The following SCHIP1 variants were observed in gnomAD, a reference collection of about 807,000 sequenced individuals.
The protein encoded by SCHIP1 is schwannomin interacting protein 1, also known as schwannomin-interacting protein 1.
Under a neutral mutation model 29.7 loss-of-function variants are expected in SCHIP1, and 8 were observed. The observed-to-expected ratio is 0.27, with a 90% CI of 0.16 to 0.49. The LOEUF is 0.49. Ranked by LOEUF, SCHIP1 falls within the 20% of genes least tolerant of loss-of-function variation. SCHIP1 has a pLI of 0.99. For missense variants in SCHIP1, 193 were observed against 294.6 expected (o/e 0.66, Z 2.52); for synonymous variants, 76 against 94.9 (o/e 0.80, Z 1.16).
chr3:159,730,456 C>T, the SCHIP1 span, among the ~76,000 whole-genome samples: 1 of 152,174 alleles, frequency 6.6e-6, no homozygotes, highest in East Asian at 1.9e-4. Flanking sequence ...TCAGCATGAG[C>T]TATTATTATT....
At chr3:159,302,393 G>A in the SCHIP1 span, among the ~76,000 whole-genome samples, 7 of 152,190 alleles carry the variant, frequency 4.6e-5, no homozygotes, top group South Asian at 1.5e-3. Flanking sequence ...ATAGTACCTG[G>A]GATTTTAGGA....
At chr3:159,571,151 T>G in the SCHIP1 span, among the ~76,000 whole-genome samples, 1 of 152,234 alleles carries the variant, frequency 6.6e-6, no homozygotes, top group Non-Finnish European at 1.5e-5. Flanking sequence ...CTGATTTCCC[T>G]GGCCAGAGCT....
chr3:159,814,006 C>T, the SCHIP1 span, among the ~76,000 whole-genome samples: 31 of 152,044 alleles, frequency 2.0e-4, no homozygotes, highest in South Asian at 6.3e-3. Context: ...TCAGGCAGCC[C>T]AGATCTACAA....
chr3:159,726,640 G>C, the SCHIP1 span, among the ~76,000 whole-genome samples: 2 of 152,128 alleles, frequency 1.3e-5, no homozygotes, highest in African/African-American at 4.8e-5. Flanking sequence ...CCCTAAAAAG[G>C]CCCATTGACC....
chr3:159,595,806 A>G, the SCHIP1 span, among the ~76,000 whole-genome samples: 1 of 152,226 alleles, frequency 6.6e-6, no homozygotes, highest in Non-Finnish European at 1.5e-5. Flanking sequence ...AACTGAACTC[A>G]TCTGTCCTCA....
At chr3:159,296,915 T>A in the SCHIP1 span, among the ~76,000 whole-genome samples, 1 of 152,216 alleles carries the variant, frequency 6.6e-6, no homozygotes, top group Non-Finnish European at 1.5e-5. Context: ...TTGACTAACA[T>A]CTTCCTATTT....
chr3:159,674,316 C>A, the SCHIP1 span, among the ~76,000 whole-genome samples: 17 of 152,046 alleles, frequency 1.1e-4, no homozygotes, highest in Non-Finnish European at 2.2e-4. Context: ...AGAGGGGCAC[C>A]AAGCTAAGTC....
At chr3:159,425,939 A>G in the SCHIP1 span, among the ~76,000 whole-genome samples, 4 of 152,244 alleles carry the variant, frequency 2.6e-5, no homozygotes, top group Non-Finnish European at 4.4e-5. Flanking sequence ...CTCCTGAATG[A>G]CTACTGGGTA....
chr3:159,312,679 T>A, the SCHIP1 span, among the ~76,000 whole-genome samples: 1 of 152,168 alleles, frequency 6.6e-6, no homozygotes, highest in African/African-American at 2.4e-5. Flanking sequence ...TTAGGCAGAA[T>A]GAGGAAATCT....
the SCHIP1 span, among the ~76,000 whole-genome samples, chr3:159,442,016 T>C: frequency 4.5e-4 from 68 of 152,266 alleles, no homozygotes; most frequent in African/African-American, 1.6e-3. Flanking sequence ...AAATAATCTT[T>C]GTAAGAAACA....
intron 2 of SCHIP1, among the ~76,000 whole-genome samples, chr3:159,871,913 A>T (rs184990597): frequency 2.0e-5 from 3 of 152,236 alleles, no homozygotes; most frequent in Admixed American, 2.0e-4. Context: ...TTCAGGTGTT[A>T]AATCAATCTT....
chr3:159,356,976 A>G, the SCHIP1 span, among the ~76,000 whole-genome samples: 1 of 152,232 alleles, frequency 6.6e-6, no homozygotes, highest in Non-Finnish European at 1.5e-5. Context: ...TGAATATCCA[A>G]AGGAAAATAA....
chr3:159,819,544 T>G, the SCHIP1 span, among the ~76,000 whole-genome samples: 15 of 152,242 alleles, frequency 9.9e-5, no homozygotes, highest in Non-Finnish European at 2.1e-4. Flanking sequence ...CTACTAAAAG[T>G]AAATGGCACT....
chr3:159,408,287 G>A, the SCHIP1 span, among the ~76,000 whole-genome samples: 1 of 151,400 alleles, frequency 6.6e-6, no homozygotes, highest in Non-Finnish European at 1.5e-5. Context: ...AACAGAGCAA[G>A]ACTCTATCTC....
the SCHIP1 span, among the ~76,000 whole-genome samples, chr3:159,580,550 T>C: frequency 6.6e-6 from 1 of 152,216 alleles, no homozygotes; most frequent in African/African-American, 2.4e-5. Context: ...TCATAAAATA[T>C]TTATTGGATG....
the SCHIP1 span, among the ~76,000 whole-genome samples, chr3:159,800,275 C>T: frequency 8.5e-5 from 13 of 152,218 alleles, no homozygotes; most frequent in African/African-American, 3.1e-4. Flanking sequence ...AAGGAGAAGT[C>T]GAGTGTAATT....
chr3:159,688,364 T>C, the SCHIP1 span, among the ~76,000 whole-genome samples: 1 of 152,254 alleles, frequency 6.6e-6, no homozygotes, highest in Non-Finnish European at 1.5e-5. Context: ...ATGATGAGCT[T>C]TTTTTCATAG....
At chr3:159,446,501 G>A in the SCHIP1 span, among the ~76,000 whole-genome samples, 6 of 152,052 alleles carry the variant, frequency 3.9e-5, no homozygotes, top group African/African-American at 1.2e-4. Context: ...TTGCATTACA[G>A]CAATACAGTA....
chr3:159,863,494 A>T (rs1714275581), intron 1 of SCHIP1, among the ~76,000 whole-genome samples: 3 of 152,212 alleles, frequency 2.0e-5, no homozygotes, highest in Admixed American at 1.3e-4. Context: ...AAAAAATTTT[A>T]AAAGATTTTA....
Sources: allele counts gnomAD v4.1 joint callset (sites outside exome capture counted in the v4.1 genomes callset), GRCh38; gene constraint gnomAD v4.1.1; transcripts MANE v1.5; gene names NCBI Gene and HGNC (gene_info 2026-07-23, HGNC 2026-07-21).